The following CHRM3 variants were observed in gnomAD, a reference collection of about 807,000 sequenced individuals.
The protein encoded by CHRM3 is cholinergic receptor muscarinic 3, also known as muscarinic acetylcholine receptor M3.
In CHRM3, 11 loss-of-function variants were observed where a neutral mutation model predicts 41.8. That is an observed-to-expected ratio of 0.26 (90% CI 0.17 to 0.44). The LOEUF (loss-of-function observed/expected upper bound fraction) is 0.44. CHRM3 is among the 20% of genes least tolerant of loss of function. The pLI is 1.00. For missense variants in CHRM3, 571 were observed against 745.4 expected (o/e 0.77, Z 2.72); for synonymous variants, 297 against 301.4 (o/e 0.99, Z 0.15).
intron 1 of CHRM3, among the ~76,000 whole-genome samples, chr1:239,480,263 A>G (rs1351879143): frequency 1.3e-5 from 2 of 152,066 alleles, no homozygotes; most frequent in African/African-American, 2.4e-5. Context: ...CTACATGGAG[A>G]AAAAAAATGA....
chr1:239,835,367 G>T (rs960328216), intron 6 of CHRM3, among the ~76,000 whole-genome samples: 1 of 151,902 alleles, frequency 6.6e-6, no homozygotes, highest in African/African-American at 2.4e-5. Flanking sequence ...ATAGATTTTT[G>T]TAGTCCTTCC....
At chr1:239,419,932 C>T (rs993383182) in intron 1 of CHRM3, among the ~76,000 whole-genome samples, 3 of 152,142 alleles carry the variant, frequency 2.0e-5, no homozygotes, top group Non-Finnish European at 4.4e-5. Flanking sequence ...TGAGACTGAT[C>T]GTTTCCCTGC....
chr1:239,669,202 G>A (rs1049718695), intron 4 of CHRM3, among the ~76,000 whole-genome samples: 1 of 152,092 alleles, frequency 6.6e-6, no homozygotes, highest in Non-Finnish European at 1.5e-5. Context: ...GATTTCTAAT[G>A]CCTTAAAAGG....
chr1:239,886,654 A>T (rs896073539), intron 6 of CHRM3: 1 of 152,204 alleles, frequency 6.6e-6, no homozygotes, highest in Non-Finnish European at 1.5e-5. Flanking sequence ...ATCTAATATC[A>T]TGTAAAAATT....
chr1:239,655,852 A>G (rs558129612), intron 4 of CHRM3, among the ~76,000 whole-genome samples: 1 of 152,324 alleles, frequency 6.6e-6, no homozygotes, highest in South Asian at 2.1e-4. Context: ...GCAAAGAAAA[A>G]GAACAGACAT....
At chr1:239,562,705 T>C (rs1250860835) in intron 3 of CHRM3, among the ~76,000 whole-genome samples, 4 of 152,012 alleles carry the variant, frequency 2.6e-5, no homozygotes, top group Non-Finnish European at 5.9e-5. Flanking sequence ...CTTGTCAACA[T>C]AGTGAAACCC....
At chr1:239,821,136 A>G (rs1009004497) in intron 5 of CHRM3, among the ~76,000 whole-genome samples, 4 of 152,234 alleles carry the variant, frequency 2.6e-5, no homozygotes, top group African/African-American at 9.6e-5. Context: ...TCCCAAAGCT[A>G]GAAGAAATTA....
At chr1:239,865,125 T>C (rs988976128) in intron 6 of CHRM3, among the ~76,000 whole-genome samples, 3 of 152,192 alleles carry the variant, frequency 2.0e-5, no homozygotes, top group African/African-American at 2.4e-5. Flanking sequence ...CACCACGGCA[T>C]GTAATGCAGT....
intron 5 of CHRM3, chr1:239,704,606 G>A (rs778585576): frequency 2.6e-5 from 4 of 152,154 alleles, no homozygotes; most frequent in Non-Finnish European, 4.4e-5. Flanking sequence ...CCTCTTCTCT[G>A]TGCAGGGTGC....
At chr1:239,849,839 T>C (rs940671025) in intron 6 of CHRM3, among the ~76,000 whole-genome samples, 4 of 152,218 alleles carry the variant, frequency 2.6e-5, no homozygotes, top group African/African-American at 9.6e-5. Context: ...GTGTTAACTA[T>C]TTAACTAGTT....
At chr1:239,589,645 T>A (rs1663871089) in intron 3 of CHRM3, among the ~76,000 whole-genome samples, 3 of 31,086 alleles carry the variant, frequency 9.7e-5, no homozygotes, top group Non-Finnish European at 2.1e-4. Context: ...AAACTATATA[T>A]ATATATATAT....
chr1:239,443,924 T>C (rs1324295912), intron 1 of CHRM3, among the ~76,000 whole-genome samples: 2 of 152,190 alleles, frequency 1.3e-5, no homozygotes, highest in African/African-American at 4.8e-5. Flanking sequence ...CTTTGGCTCT[T>C]TTGTGTGAAA....
chr1:239,645,024 A>G (rs2120240), intron 4 of CHRM3, among the ~76,000 whole-genome samples: 45,070 of 152,042 alleles, frequency 0.3, 7,366 homozygotes, highest in East Asian at 0.65. Context: ...TACTTCCTCC[A>G]TCAGCTCACA....
chr1:239,757,810 TTC>T (rs1666369660), intron 5 of CHRM3, among the ~76,000 whole-genome samples: 1 of 152,222 alleles, frequency 6.6e-6, no homozygotes. Flanking sequence ...TGTTAATGCA[TTC>T]TGTTTGCCCA....
Position 239,394,162 on chromosome 1 carries a change from T to A in CHRM3, c.-521+6935T>A, listed in dbSNP as rs115729779. On this transcript the variant is annotated intron_variant, in intron 1 of 6. Coordinates refer to ENST00000676153, the MANE Select transcript of CHRM3 (RefSeq NM_001375978.1). ...GATGTTAGATGTTGCGTGAATTTCT[T>A]AGGTTTTAAAACAGAAGTTTATTCT... Among the ~76,000 whole-genome samples the A allele has an allele frequency of 2.9e-3, 444 of 152,324 alleles. 3 individuals are homozygous for A. Among genetic ancestry groups the A allele is most frequent in the Non-Finnish European group, 5.4e-3 (368 of 68,028 alleles).
Position 239,796,863 on chromosome 1 carries a change from T to A in CHRM3, c.-146-30389T>A, listed in dbSNP as rs1217535026. 4.6e-5 allele frequency among the ~76,000 whole-genome samples: 7 copies of A among 152,136 alleles called. No homozygotes were observed. The South Asian group carries it at 1.0e-3, about 23-fold the overall frequency. The stretch of plus-strand genomic sequence containing the variant: ...ACCCCCCTCCCACTCTCCCACCCTT[T>A]GGAGTCTCCAGTATCTACTATTCCA... On this transcript the variant is annotated intron_variant, in intron 5 of 6. Coordinates refer to ENST00000676153, the MANE Select transcript of CHRM3 (RefSeq NM_001375978.1).
intron 6 of CHRM3, among the ~76,000 whole-genome samples, chr1:239,846,772 T>C (rs1674299776): frequency 6.6e-6 from 1 of 152,188 alleles, no homozygotes; most frequent in Non-Finnish European, 1.5e-5. Flanking sequence ...AGTACTTCTG[T>C]GAGTTTTTAT....
At chr1:239,405,634 T>C (rs1419467613) in intron 1 of CHRM3, among the ~76,000 whole-genome samples, 1 of 152,168 alleles carries the variant, frequency 6.6e-6, no homozygotes. Context: ...TTTAGAAAAA[T>C]TAAACTACCA....
intron 5 of CHRM3, among the ~76,000 whole-genome samples, chr1:239,782,226 C>T (rs182949356): frequency 1.8e-5 from 2 of 109,182 alleles, no homozygotes; most frequent in East Asian, 5.6e-4. Flanking sequence ...TACCAGTGAA[C>T]CCATCTGGGA....
Sources: gnomAD v4.1 joint callset for allele counts (sites outside exome capture counted in the v4.1 genomes callset) on GRCh38, gnomAD v4.1.1 for gene constraint, MANE v1.5 for transcripts, NCBI Gene and HGNC (gene_info 2026-07-23, HGNC 2026-07-21) for gene names.